The following CHL1 variants were observed in gnomAD, a reference collection of about 807,000 sequenced individuals.
The protein encoded by CHL1 is cell adhesion molecule L1 like.
Under a neutral mutation model 141.9 loss-of-function variants are expected in CHL1, and 96 were observed. That is an observed-to-expected ratio of 0.68 (90% confidence interval 0.57 to 0.80). The LOEUF is 0.80. CHL1 is among the 30% of genes least tolerant of loss of function. The probability of loss-of-function intolerance (pLI) is 0.00; values close to 1 mark genes in which losing one functional copy is unlikely to be tolerated. For missense variants in CHL1, 1,820 were observed against 1,457.2 expected (o/e 1.25, Z -4.05); for synonymous variants, 613 against 502.2 (o/e 1.22, Z -2.95).
intron 19 of CHL1, among the ~76,000 whole-genome samples, chr3:385,086 C>T: frequency 6.6e-6 from 1 of 152,098 alleles, no homozygotes; most frequent in East Asian, 1.9e-4. Flanking sequence ...ATAGTTACTA[C>T]TACATTGTCT....
At chr3:291,026 T>C (rs1278428859) in intron 2 of CHL1, among the ~76,000 whole-genome samples, 2 of 152,046 alleles carry the variant, frequency 1.3e-5, no homozygotes, top group Non-Finnish European at 2.9e-5. Flanking sequence ...TTTTGCTTAA[T>C]AACATAGTCA....
intron 2 of CHL1, among the ~76,000 whole-genome samples, chr3:260,237 C>A (rs1292544045): frequency 6.6e-6 from 1 of 150,578 alleles, no homozygotes; most frequent in African/African-American, 2.5e-5. Flanking sequence ...GCACTCCAGA[C>A]TGGGTGACAG....
chr3:210,528 G>C (rs1308136573), intron 1 of CHL1, among the ~76,000 whole-genome samples: 1 of 152,192 alleles, frequency 6.6e-6, no homozygotes, highest in East Asian at 1.9e-4. Flanking sequence ...CTCTCTCCTG[G>C]TCCTTCCAGA....
At chr3:254,711 G>A (rs1052336344) in intron 2 of CHL1, among the ~76,000 whole-genome samples, 4 of 152,166 alleles carry the variant, frequency 2.6e-5, no homozygotes, top group African/African-American at 4.8e-5. Context: ...GGGCCTTCTC[G>A]ATGCTTCCTT....
intron 2 of CHL1, among the ~76,000 whole-genome samples, chr3:283,316 A>G (rs1185320481): frequency 6.6e-6 from 1 of 152,210 alleles, no homozygotes; most frequent in Non-Finnish European, 1.5e-5. Flanking sequence ...TTTGCTATTA[A>G]ATAGAATGAA....
intron 2 of CHL1, among the ~76,000 whole-genome samples, chr3:276,230 T>C (rs1030640123): frequency 6.6e-6 from 1 of 152,180 alleles, no homozygotes; most frequent in African/African-American, 2.4e-5. Flanking sequence ...AAAAGTATTA[T>C]ATTGCACCAC....
At chr3:350,757 G>A (rs749042519) in intron 10 of CHL1, among the ~76,000 whole-genome samples, 9 of 152,188 alleles carry the variant, frequency 5.9e-5, no homozygotes, top group Admixed American at 2.0e-4. Flanking sequence ...ATAGAAAACC[G>A]AAGTTGAGAA....
At chr3:205,365 GC>G (rs1699334033) in intron 1 of CHL1, among the ~76,000 whole-genome samples, 3 of 152,022 alleles carry the variant, frequency 2.0e-5, no homozygotes, top group Admixed American at 6.6e-5. Context: ...TCTCCCACCT[GC>G]CCCTCTCAAA....
At chr3:280,570 C>G (rs905177140) in intron 2 of CHL1, among the ~76,000 whole-genome samples, 1 of 152,140 alleles carries the variant, frequency 6.6e-6, no homozygotes, top group Non-Finnish European at 1.5e-5. Flanking sequence ...GGTAATTTTA[C>G]TGTATCAAGC....
intron 2 of CHL1, among the ~76,000 whole-genome samples, chr3:255,071 A>G (rs1694033105): frequency 6.6e-6 from 1 of 152,164 alleles, no homozygotes; most frequent in African/African-American, 2.4e-5. Context: ...TGCTGCATGA[A>G]TTTGTATTTG....
chr3:198,154 G>A (rs1334527243), intron 1 of CHL1: 2 of 198,200 alleles, frequency 1.0e-5, no homozygotes, highest in South Asian at 7.0e-5. Flanking sequence ...GCTGCTGGGC[G>A]GGAAGGCGGG....
At chr3:253,994 T>G (rs1275475232) in intron 2 of CHL1, among the ~76,000 whole-genome samples, 2 of 152,196 alleles carry the variant, frequency 1.3e-5, no homozygotes, top group Non-Finnish European at 2.9e-5. Context: ...ATTTTACGAA[T>G]GCACAAATGG....
chr3:197,613 G>T (rs1428779353), intron 1 of CHL1: 1 of 358,398 alleles, frequency 2.8e-6, no homozygotes, highest in East Asian at 7.8e-5. Flanking sequence ...CTCAGGAGAG[G>T]ATTCTAGATC....
intron 1 of CHL1, among the ~76,000 whole-genome samples, chr3:214,859 T>A (rs1575613478): frequency 6.6e-6 from 1 of 152,188 alleles, no homozygotes; most frequent in East Asian, 1.9e-4. Context: ...AATTATTCCT[T>A]GAAAAGATTA....
At chr3:269,963 G>C (rs1274878993) in intron 2 of CHL1, among the ~76,000 whole-genome samples, 1 of 152,182 alleles carries the variant, frequency 6.6e-6, no homozygotes, top group Non-Finnish European at 1.5e-5. Context: ...TGGGATGAAG[G>C]TGGAAGTACC....
chr3:399,128 A>G lies in CHL1; in HGVS notation c.3365A>G (p.Asn1122Ser), dbSNP rs780087896. The change falls in exon 26 of 28, where the codon AAT becomes AGT. Residue 1122 changes from asparagine to serine, a missense_variant. Asn to Ser is a conservative substitution (Grantham distance 46). Coordinates refer to ENST00000256509, the MANE Select transcript of CHL1 (RefSeq NM_006614.4). ...LLLTVCFVKRNRGGKYSVKEK... is the reference protein window; with the variant it reads ...LLLTVCFVKRSRGGKYSVKEK... Reference sequence around the variant, plus strand: ...TTAACTGTTTGCTTTGTGAAGAGGAATAGAGGTGGAAAGTACTCAGGTAAA... The same window carrying G: ...TTAACTGTTTGCTTTGTGAAGAGGAGTAGAGGTGGAAAGTACTCAGGTAAA... 4 of 1,610,532 alleles carry G rather than the reference A, an allele frequency of 2.5e-6. No homozygotes were observed. The African/African-American group carries it at 4.0e-5, about 16-fold the overall frequency.
chr3:348,121 A>G (rs1702923918), intron 9 of CHL1, among the ~76,000 whole-genome samples: 1 of 152,222 alleles, frequency 6.6e-6, no homozygotes, highest in South Asian at 2.1e-4. Context: ...AAGACTATAG[A>G]GTTAGGAAGG....
chr3:298,884 C>T (rs779845376), intron 2 of CHL1, among the ~76,000 whole-genome samples: 12 of 152,156 alleles, frequency 7.9e-5, no homozygotes, highest in Non-Finnish European at 1.3e-4. Flanking sequence ...AGATAATGTG[C>T]CTAAACCCTT....
chr3:198,204 G>C (rs1340782293), intron 1 of CHL1: 1 of 167,772 alleles, frequency 6.0e-6, no homozygotes, highest in African/African-American at 2.4e-5. Context: ...GGGCAGGTGT[G>C]CGTCGGCAGG....
Sources: allele counts gnomAD v4.1 joint callset (sites outside exome capture counted in the v4.1 genomes callset), GRCh38; gene constraint gnomAD v4.1.1; transcripts MANE v1.5; gene names NCBI Gene and HGNC (gene_info 2026-07-23, HGNC 2026-07-21).